C6: variants seen among roughly 807,000 people sequenced by gnomAD.
The protein encoded by C6 is complement C6, also known as complement component C6.
C6 carries 101 observed loss-of-function variants against 112.9 expected under a neutral mutation model. The ratio of observed to expected loss-of-function variants is 0.89; its 90% CI spans 0.76 to 1.06. The LOEUF is 1.06. Among genes scored for constraint, C6 ranks in the 50% least tolerant of loss-of-function variants. The pLI, the probability that C6 is intolerant of heterozygous loss-of-function variation, is 0.00. For synonymous variants in C6, 431 were observed against 384.1 expected (o/e 1.12, Z -1.43); for missense variants, 1,202 against 1,104.6 (o/e 1.09, Z -1.25).
In C6 at chr5:41,199,776, C is replaced by T. The variant is rs1750869450; in HGVS notation, c.437G>A (p.Cys146Tyr). ...TCACAAAAATACATTACCACTGTCACAGCGAAATTTATTCTTGCAGTCAGC... is the reference window on the plus strand; with the variant it reads ...TCACAAAAATACATTACCACTGTCATAGCGAAATTTATTCTTGCAGTCAGC... Reference protein sequence around the residue: ...EEADCKNKFRCDSGRCIARKL... With the variant: ...EEADCKNKFRYDSGRCIARKL... Residue 146 changes from cysteine (C) to tyrosine (Y), a missense_variant, in exon 4 of 18, where the codon TGT (cysteine) becomes TAT (tyrosine). Physicochemically the swap from Cys to Tyr is radical, Grantham distance 194. Transcript: ENST00000337836. The T allele has an allele frequency of 6.2e-7, 1 of 1,613,560 alleles. No homozygotes were observed. The highest frequency in any genetic ancestry group is 1.1e-5 in the South Asian group (1 of 91,082).
intron 13 of C6, 47 bp downstream of exon 13, chr5:41,158,627 C>T (rs757281766): frequency 6.9e-5 from 66 of 962,026 alleles, no homozygotes; most frequent in Middle Eastern, 2.1e-4. Context: ...CTATACTTTT[C>T]GAGGTTTTTA....
In C6 at chr5:41,218,835, G is replaced by C. The variant is rs186913844; in HGVS notation, c.-20-15585C>G. On this transcript the variant is annotated intron_variant, in intron 1 of 17. Transcript: ENST00000263413. ...AGAAAAAAGAATGAGGTAAGGACTG[G>C]AAAAAATGTACATGTGAGAACATGT... 2.6e-5 allele frequency among the ~76,000 whole-genome samples: 4 copies of C among 152,252 alleles called. No homozygotes were observed. In the East Asian group the frequency reaches 5.8e-4, roughly 22 times the overall value.
At chr5:41,246,611 GA>G (rs2150432648) in intron 1 of C6, among the ~76,000 whole-genome samples, 1 of 152,298 alleles carries the variant, frequency 6.6e-6, no homozygotes, top group East Asian at 1.9e-4. Flanking sequence ...AGGAGTTTTT[GA>G]AAAAGCCTGG....
chr5:41,169,317 G>A lies in C6; in HGVS notation c.1291+2908C>T, dbSNP rs140915942. On this transcript the variant is annotated intron_variant, in intron 9 of 17. Transcript: ENST00000337836. ...TGTGCATGTGTACATACACACATAC[G>A]CACACACACACAGGCACACACACAC... 5.2e-3 allele frequency among the ~76,000 whole-genome samples: 786 copies of A among 151,416 alleles called. 8 individuals are homozygous for A. Among genetic ancestry groups the A allele is most frequent in the African/African-American group, 0.018 (746 of 41,244 alleles).
chr5:41,163,386 C>T (rs1747708039), intron 9 of C6, among the ~76,000 whole-genome samples: 1 of 149,496 alleles, frequency 6.7e-6, no homozygotes, highest in Non-Finnish European at 1.5e-5. Flanking sequence ...GATCTTAGCT[C>T]ACTGCAGCCT....
At chr5:41,210,828 G>A (rs1353511286) in intron 1 of C6, among the ~76,000 whole-genome samples, 2 of 152,180 alleles carry the variant, frequency 1.3e-5, no homozygotes, top group African/African-American at 2.4e-5. Flanking sequence ...AGGCAGTGTG[G>A]TGATTCCTCC....
At chr5:41,187,628 G>A (rs892085960) in intron 5 of C6, among the ~76,000 whole-genome samples, 1 of 151,814 alleles carries the variant, frequency 6.6e-6, no homozygotes, top group Non-Finnish European at 1.5e-5. Context: ...AAGAAAGTAA[G>A]GCTAATATAA....
intron 7 of C6, among the ~76,000 whole-genome samples, chr5:41,177,832 C>T (rs1305810269): frequency 1.3e-5 from 2 of 152,128 alleles, no homozygotes; most frequent in African/African-American, 2.4e-5. Flanking sequence ...AGACAAAGTT[C>T]GTGCCTTTGT....
At chr5:41,251,894 T>G (rs967940668) in intron 1 of C6, among the ~76,000 whole-genome samples, 4 of 152,060 alleles carry the variant, frequency 2.6e-5, no homozygotes, top group Non-Finnish European at 5.9e-5. Context: ...GCAAGTAAAG[T>G]CTCTGCTAAG....
rs1741039188 is a variant in C6 at position 41,246,660 on chromosome 5, A to C, written c.-21+14534T>G. Among the ~76,000 whole-genome samples, 4 of 152,184 alleles carry C rather than the reference A, an allele frequency of 2.6e-5. 1 individual carries two copies. The South Asian group carries it at 8.3e-4, about 31-fold the overall frequency. On this transcript the variant is annotated intron_variant, in intron 1 of 17. Coordinates refer to the C6 transcript ENST00000263413. ...CCCATAAACCAGTCCAGGGCAGTCT[A>C]ACTCTAGGCTGTTTCTTTGTGAGAA... is the stretch of plus-strand genomic sequence containing the variant.
At chr5:41,205,021 G>T (rs1177230579) in intron 1 of C6, among the ~76,000 whole-genome samples, 1 of 152,118 alleles carries the variant, frequency 6.6e-6, no homozygotes, top group South Asian at 2.1e-4. Flanking sequence ...TTGACGTATG[G>T]CTGAATATGT....
At chr5:41,194,235 C>T (rs990399846) in intron 5 of C6, among the ~76,000 whole-genome samples, 3 of 152,144 alleles carry the variant, frequency 2.0e-5, no homozygotes, top group Non-Finnish European at 4.4e-5. Context: ...TGTTGAAGCA[C>T]TTTCATCGAA....
chr5:41,164,627 A>G (rs1747825820), intron 9 of C6, among the ~76,000 whole-genome samples: 1 of 152,182 alleles, frequency 6.6e-6, no homozygotes, highest in Non-Finnish European at 1.5e-5. Context: ...TATTAGCAGT[A>G]TTGTGTCATC....
At chr5:41,148,520 A>C (rs990374087) in intron 17 of C6, among the ~76,000 whole-genome samples, 1 of 152,198 alleles carries the variant, frequency 6.6e-6, no homozygotes, top group African/African-American at 2.4e-5. Flanking sequence ...TTCTAATTTC[A>C]AGCAATCTTG....
At chr5:41,199,667 G>T in intron 4 of C6, 101 bp downstream of exon 4, 1 of 1,146,398 alleles carries the variant, frequency 8.7e-7, no homozygotes, top group Non-Finnish European at 1.3e-6. Context: ...AAATGTGGTG[G>T]GATTTCTCTG....
At position 41,229,190 on chromosome 5, in the gene C6, C is replaced by T. The variant is rs1002822293; in HGVS notation, c.-20-25940G>A. 1.1e-4 allele frequency among the ~76,000 whole-genome samples: 17 copies of T among 151,836 alleles called. 1 individual carries two copies. The highest frequency in any genetic ancestry group is 8.5e-4 in the Admixed American group (13 of 15,232). On this transcript the variant is annotated intron_variant, in intron 1 of 17. Coordinates refer to the C6 transcript ENST00000263413. ...TCTATTTTCTATTTCATTTATTTCT[C>T]CTCTGATATTTGTTATTTTCTTTCT...
At chr5:41,204,395 G>C (rs1751262228) in intron 1 of C6, among the ~76,000 whole-genome samples, 1 of 152,158 alleles carries the variant, frequency 6.6e-6, no homozygotes, top group South Asian at 2.1e-4. Flanking sequence ...AATAGTAGCT[G>C]TTGGTCACAC....
At chr5:41,161,320 A>G (rs1189393231) in intron 10 of C6, among the ~76,000 whole-genome samples, 1 of 152,198 alleles carries the variant, frequency 6.6e-6, no homozygotes, top group African/African-American at 2.4e-5. Flanking sequence ...CAGAGCTACA[A>G]ATGAAGACTT....
At chr5:41,206,419 G>GA (rs1751439172) in intron 1 of C6, among the ~76,000 whole-genome samples, 1 of 151,996 alleles carries the variant, frequency 6.6e-6, no homozygotes, top group Admixed American at 6.6e-5. Flanking sequence ...GGTAATAACA[G>GA]ACTTCTCTGA....
Sources: gnomAD v4.1 joint callset for allele counts (sites outside exome capture counted in the v4.1 genomes callset) on GRCh38, gnomAD v4.1.1 for gene constraint, MANE v1.5 for transcripts, NCBI Gene and HGNC (gene_info 2026-07-23, HGNC 2026-07-21) for gene names.